The following RAD51B variants were observed in gnomAD, a reference collection of about 807,000 sequenced individuals.
RAD51B encodes RAD51 paralog B, also known as DNA repair protein RAD51 homolog 2.
A neutral mutation model predicts 42.2 loss-of-function variants in RAD51B; 38 were observed. The ratio of observed to expected loss-of-function variants is 0.90; its 90% CI spans 0.70 to 1.18. RAD51B has a LOEUF of 1.18. Among genes scored for constraint, RAD51B ranks in the 50% most tolerant of loss-of-function variants. The probability of loss-of-function intolerance (pLI) is 0.00; values close to 1 mark genes in which losing one functional copy is unlikely to be tolerated. For missense variants in RAD51B, 373 were observed against 400.7 expected, an observed-to-expected ratio of 0.93 and a Z score of 0.59; for synonymous variants, 154 against 145.2, an observed-to-expected ratio of 1.06 and a Z score of -0.43.
chr14:68,365,847 G>T (rs2139930767), intron 8 of RAD51B, among the ~76,000 whole-genome samples: 1 of 152,126 alleles, frequency 6.6e-6, no homozygotes, highest in South Asian at 2.1e-4. Flanking sequence ...AAAAACAGTT[G>T]GCTTTATGAT....
At chr14:68,516,869 T>G (rs1886190878) in intron 10 of RAD51B, among the ~76,000 whole-genome samples, 2 of 152,220 alleles carry the variant, frequency 1.3e-5, no homozygotes, top group African/African-American at 4.8e-5. Context: ...AAAACCTCTG[T>G]AAGTGTTGGG....
At chr14:68,351,512 T>G (rs1235817908) in intron 8 of RAD51B, among the ~76,000 whole-genome samples, 1 of 152,036 alleles carries the variant, frequency 6.6e-6, no homozygotes, top group South Asian at 2.1e-4. Context: ...AAGCCCAAAG[T>G]AAATAACAAA....
At chr14:68,406,567 T>A (rs1412730782) in intron 8 of RAD51B, among the ~76,000 whole-genome samples, 1 of 152,206 alleles carries the variant, frequency 6.6e-6, no homozygotes, top group East Asian at 1.9e-4. Context: ...GTGCACCTAC[T>A]GATGAATGAA....
At chr14:68,452,620 G>A (rs2140190160) in intron 9 of RAD51B, among the ~76,000 whole-genome samples, 1 of 152,276 alleles carries the variant, frequency 6.6e-6, no homozygotes, top group South Asian at 2.1e-4. Flanking sequence ...GCAGACCATT[G>A]AACTAACTCT....
chr14:67,953,917 A>G (rs1027513052), intron 7 of RAD51B, among the ~76,000 whole-genome samples: 3 of 152,140 alleles, frequency 2.0e-5, no homozygotes, highest in African/African-American at 7.2e-5. Context: ...GGACAGGAAG[A>G]AAAGACTGAA....
intron 10 of RAD51B, among the ~76,000 whole-genome samples, chr14:68,472,615 G>A (rs961850686): frequency 2.7e-4 from 41 of 152,338 alleles, no homozygotes; most frequent in African/African-American, 9.9e-4. Flanking sequence ...TAAGACAGAA[G>A]TGTGTTTTTT....
intron 4 of RAD51B, among the ~76,000 whole-genome samples, chr14:67,854,000 C>T (rs1337966864): frequency 2.0e-5 from 3 of 152,212 alleles, no homozygotes; most frequent in Non-Finnish European, 2.9e-5. Flanking sequence ...TCCCTGAGAA[C>T]AGCAAACACC....
intron 7 of RAD51B, among the ~76,000 whole-genome samples, chr14:68,121,253 A>T (rs1010845758): frequency 7.2e-5 from 11 of 152,340 alleles, no homozygotes; most frequent in African/African-American, 2.2e-4. Flanking sequence ...AAAGCTTTGC[A>T]ACCAGACTTA....
chr14:67,879,658 GA>G (rs1332263421), intron 5 of RAD51B, among the ~76,000 whole-genome samples: 4 of 152,124 alleles, frequency 2.6e-5, no homozygotes, highest in Middle Eastern at 6.8e-3. Context: ...TAAAAAAAGT[GA>G]AAAAAGAGTG....
intron 8 of RAD51B, chr14:68,338,727 T>C (rs966556788): frequency 2.5e-6 from 1 of 401,028 alleles, no homozygotes; most frequent in Non-Finnish European, 4.8e-6. Context: ...ACAGTGTACA[T>C]TTAACCCAGT....
At chr14:67,855,046 T>C (rs1035841611) in intron 4 of RAD51B, among the ~76,000 whole-genome samples, 1 of 152,150 alleles carries the variant, frequency 6.6e-6, no homozygotes, top group Admixed American at 6.5e-5. Context: ...AATATCTGCA[T>C]AGTTATTATG....
At position 68,611,445 on chromosome 14, in the gene RAD51B, G is replaced by A. The variant is rs528017769; in HGVS notation, c.*198G>A. 6.4e-4 allele frequency: 372 copies of A among 582,266 alleles called. 3 individuals are homozygous for A. The highest frequency in any genetic ancestry group is 4.7e-3 in the South Asian group (233 of 49,348). The allele number at this position is 582,266 out of a possible 1,614,324, so 36.1% of individuals were successfully genotyped here. ...CACTCCTACAACCCTTGATCCCCAC[G>A]TGAGATCTCATTTCCTCCAGCTGGG... On this transcript the variant is annotated 3_prime_UTR_variant, in exon 11 of 11. Transcript: ENST00000487861.
At chr14:68,154,911 A>C (rs1188244763) in intron 7 of RAD51B, among the ~76,000 whole-genome samples, 1 of 152,168 alleles carries the variant, frequency 6.6e-6, no homozygotes, top group Non-Finnish European at 1.5e-5. Flanking sequence ...CAAAACAGGG[A>C]ATCTCTAACT....
At chr14:67,927,776 C>T (rs1196792539) in intron 7 of RAD51B, among the ~76,000 whole-genome samples, 1 of 140,816 alleles carries the variant, frequency 7.1e-6, no homozygotes, top group African/African-American at 3.1e-5. Flanking sequence ...TATATATATA[C>T]ACATATATAA....
intron 7 of RAD51B, among the ~76,000 whole-genome samples, chr14:68,141,847 C>T (rs1476848701): frequency 6.6e-6 from 1 of 152,074 alleles, no homozygotes; most frequent in African/African-American, 2.4e-5. Flanking sequence ...TATCCTTTAT[C>T]TCAGGTGTCA....
At chr14:68,336,107 G>T (rs763399443) in intron 8 of RAD51B, among the ~76,000 whole-genome samples, 1 of 152,036 alleles carries the variant, frequency 6.6e-6, no homozygotes, top group Admixed American at 6.5e-5. Context: ...GAGGTTATTC[G>T]GAGAGTTAAA....
At chr14:67,985,679 C>T (rs577837148) in intron 7 of RAD51B, among the ~76,000 whole-genome samples, 4 of 151,206 alleles carry the variant, frequency 2.6e-5, no homozygotes, top group Admixed American at 6.6e-5. Context: ...GAAACCAAGG[C>T]GGGGTAGATC....
chr14:68,301,400 A>G (rs774396155), intron 8 of RAD51B, among the ~76,000 whole-genome samples: 1 of 152,166 alleles, frequency 6.6e-6, no homozygotes, highest in African/African-American at 2.4e-5. Flanking sequence ...ACAACAGTCG[A>G]TAAGTGGCTG....
intron 8 of RAD51B, among the ~76,000 whole-genome samples, chr14:68,317,426 A>G (rs913414107): frequency 6.6e-6 from 1 of 152,174 alleles, no homozygotes; most frequent in Non-Finnish European, 1.5e-5. Flanking sequence ...GTTAAATTTC[A>G]GTATGATGTC....
Sources: allele counts gnomAD v4.1 joint callset (sites outside exome capture counted in the v4.1 genomes callset), GRCh38; gene constraint gnomAD v4.1.1; transcripts MANE v1.5; gene names NCBI Gene and HGNC (gene_info 2026-07-23, HGNC 2026-07-21).